The following ARL6IP6 variants were observed in gnomAD, a reference collection of about 807,000 sequenced individuals.
ARL6IP6 encodes the protein ARF like GTPase 6 interacting protein 6.
Under a neutral mutation model 21.5 loss-of-function variants are expected in ARL6IP6, and 22 were observed. The observed-to-expected ratio is 1.02, with a 90% CI of 0.73 to 1.46. The LOEUF is 1.46. ARL6IP6 is among the 40% of genes most tolerant of loss of function. The probability of loss-of-function intolerance (pLI) is 0.00; values close to 1 mark genes in which losing one functional copy is unlikely to be tolerated. For missense variants in ARL6IP6, 388 were observed against 299.8 expected (o/e 1.29, Z -2.17); for synonymous variants, 164 against 125.3 (o/e 1.31, Z -2.06).
At position 152,759,955 on chromosome 2, in the gene ARL6IP6, T is replaced by A; in HGVS notation, c.*115T>A. 1 of 811,598 alleles carries A rather than the reference T, an allele frequency of 1.2e-6. No individual in the cohort carries two copies. Among genetic ancestry groups the A allele is most frequent in the Admixed American group, 2.3e-5 (1 of 44,280 alleles). 50.3% of individuals were successfully genotyped at this position (811,598 alleles called of 1,614,324 possible). On this transcript the variant is annotated 3_prime_UTR_variant, in exon 4 of 4. Transcript: ENST00000326446. ...AGAAACCTGCTGTTCATTATGTAGT[T>A]CAGATATTTATCACAATCATCCTCA...
At chr2:152,724,279 A>G (rs569375169) in intron 2 of ARL6IP6, among the ~76,000 whole-genome samples, 2 of 152,212 alleles carry the variant, frequency 1.3e-5, no homozygotes, top group Non-Finnish European at 2.9e-5. Context: ...CACAAATTTA[A>G]GTTTAGAGAA....
At chr2:152,724,950 A>G (rs1367576366) in intron 2 of ARL6IP6, among the ~76,000 whole-genome samples, 2 of 151,856 alleles carry the variant, frequency 1.3e-5, no homozygotes, top group Non-Finnish European at 2.9e-5. Flanking sequence ...TTTTGCTTTT[A>G]CGGAATCTTA....
intron 3 of ARL6IP6, among the ~76,000 whole-genome samples, chr2:152,753,953 G>T (rs1351847559): frequency 6.6e-6 from 1 of 151,078 alleles, no homozygotes; most frequent in South Asian, 2.1e-4. Context: ...CACCCGCCTC[G>T]GCCTCCCAAA....
intron 3 of ARL6IP6, among the ~76,000 whole-genome samples, chr2:152,752,130 T>G (rs147452216): frequency 0.015 from 2,320 of 152,322 alleles, 34 homozygotes; most frequent in Middle Eastern, 0.034. Flanking sequence ...TATCTTTCTC[T>G]TCATGAAATT....
intron 1 of ARL6IP6, 48 bp downstream of exon 1, chr2:152,719,072 AG>A (rs1358333266): frequency 6.8e-7 from 1 of 1,467,444 alleles, no homozygotes; most frequent in African/African-American, 1.4e-5. Flanking sequence ...AAGTTGAGCC[AG>A]GGTGTGGCTC....
chr2:152,718,056 G>A (rs759071163), upstream of ARL6IP6: 10 of 994,938 alleles, frequency 1.0e-5, no homozygotes, highest in African/African-American at 1.6e-4. Context: ...GTTGTAGTAC[G>A]GGTGGGGAGA....
chr2:152,718,926 C>G lies in ARL6IP6; in HGVS notation c.302C>G (p.Pro101Arg). The change falls in exon 1 of 4, where the codon CCT (proline) becomes CGT (arginine). Residue 101 changes from proline to arginine, a missense_variant. Physicochemically the swap from Pro to Arg is moderately radical, Grantham distance 103. Coordinates refer to ENST00000326446, the MANE Select transcript of ARL6IP6 (RefSeq NM_152522.7). ...GCGGCCGCGGGCAGCAGAGCCCAGC[C>G]TCGGCGGTGGCCGGTCCAGGTCCTC... ...FPAAAGSRAQ[P>R]RRWPVQVLSI... 6.2e-7 allele frequency: 1 copy of G among 1,613,910 alleles called. No homozygotes were observed. The highest frequency in any genetic ancestry group is 8.5e-7 in the Non-Finnish European group (1 of 1,179,888).
At chr2:152,730,318 C>T (rs888091163) in intron 2 of ARL6IP6, among the ~76,000 whole-genome samples, 2 of 152,130 alleles carry the variant, frequency 1.3e-5, no homozygotes, top group African/African-American at 4.8e-5. Flanking sequence ...TACTTTGTGT[C>T]TTTCCTCACT....
chr2:152,762,146 T>C lies in ARL6IP6; in HGVS notation c.*2306T>C, dbSNP rs957564852. Among the ~76,000 whole-genome samples, 2 of 152,130 alleles carry C rather than the reference T, an allele frequency of 1.3e-5. No homozygotes were observed. Among genetic ancestry groups the C allele is most frequent in the Admixed American group, 1.3e-4 (2 of 15,264 alleles). On this transcript the variant is annotated 3_prime_UTR_variant, in exon 4 of 4. Transcript: ENST00000326446. ...TTTTGCCTGGCTACAATGAGTAGAATAGAGAAATGACTTCAGTGAAGTATG... is the reference window on the plus strand; with the variant it reads ...TTTTGCCTGGCTACAATGAGTAGAACAGAGAAATGACTTCAGTGAAGTATG...
At chr2:152,719,064 G>T in intron 1 of ARL6IP6, 40 bp downstream of exon 1, 7 of 1,476,532 alleles carry the variant, frequency 4.7e-6, no homozygotes, top group Non-Finnish European at 5.4e-6. Flanking sequence ...CCAGAGTAAA[G>T]TTGAGCCAGG....
chr2:152,727,357 A>G (rs148255446), intron 2 of ARL6IP6, among the ~76,000 whole-genome samples: 17 of 152,356 alleles, frequency 1.1e-4, no homozygotes, highest in African/African-American at 3.8e-4. Context: ...GAAAAGGGTA[A>G]AGTTAAATTT....
intron 3 of ARL6IP6, among the ~76,000 whole-genome samples, chr2:152,739,920 T>C (rs1355530442): frequency 6.6e-6 from 1 of 152,010 alleles, no homozygotes; most frequent in Non-Finnish European, 1.5e-5. Flanking sequence ...TATAAAACCA[T>C]CAGGTCTCAA....
intron 3 of ARL6IP6, among the ~76,000 whole-genome samples, chr2:152,742,624 T>C (rs1700868115): frequency 6.6e-6 from 1 of 151,234 alleles, no homozygotes; most frequent in South Asian, 2.1e-4. Flanking sequence ...GGCTTGGCCA[T>C]TGGCAGCAGA....
At chr2:152,730,385 A>G (rs1986743) in intron 2 of ARL6IP6, among the ~76,000 whole-genome samples, 100,614 of 152,024 alleles carry the variant, frequency 0.66, 33,514 homozygotes, top group East Asian at 0.72. Context: ...TTTCTTAACT[A>G]TCATCTTTGT....
In ARL6IP6 at chr2:152,718,721, C is replaced by G. The variant is rs1338061879; in HGVS notation, c.97C>G (p.Gln33Glu). The G allele has an allele frequency of 1.9e-6, 3 of 1,609,856 alleles. No homozygotes were observed. The highest frequency in any genetic ancestry group is 2.7e-5 in the African/African-American group (2 of 74,876). ...VARPSYSSFT[Q>E]GDSWGEGEVD... ...TCGGCCATCGTATTCCTCCTTTACT[C>G]AGGGGGACAGCTGGGGTGAAGGCGA... Residue 33 changes from glutamine (Q) to glutamate (E), a missense_variant, in exon 1 of 4, where the codon CAG becomes GAG. Transcript: ENST00000326446.
At chr2:152,727,454 T>C (rs775917896) in intron 2 of ARL6IP6, among the ~76,000 whole-genome samples, 32 of 152,192 alleles carry the variant, frequency 2.1e-4, no homozygotes, top group Non-Finnish European at 3.7e-4. Flanking sequence ...GTAACCTAAG[T>C]GTACAGTGTT....
At chr2:152,746,678 T>TA (rs1276972998) in intron 3 of ARL6IP6, among the ~76,000 whole-genome samples, 17 of 152,274 alleles carry the variant, frequency 1.1e-4, no homozygotes, top group Admixed American at 9.8e-4. Flanking sequence ...AAGCAACAGA[T>TA]ACGTCAGATG....
At chr2:152,734,414 G>A (rs1161473268) in intron 2 of ARL6IP6, among the ~76,000 whole-genome samples, 1 of 152,154 alleles carries the variant, frequency 6.6e-6, no homozygotes, top group Non-Finnish European at 1.5e-5. Context: ...TGCATGGCGT[G>A]GAATGAAAGG....
chr2:152,718,673 C>G lies in ARL6IP6; in HGVS notation c.49C>G (p.Pro17Ala). ...GWRSALRRRG[P>A]GTPGPVARPS... ...GCGGTCGGCTCTGCGGCGCCGCGGT[C>G]CCGGCACCCCGGGCCCTGTGGCTCG... Residue 17 changes from proline (P) to alanine (A), a missense_variant, in exon 1 of 4, where the codon CCC becomes GCC. Physicochemically the swap from Pro to Ala is conservative, Grantham distance 27 (BLOSUM62 -1). Coordinates refer to ENST00000326446, the MANE Select transcript of ARL6IP6 (RefSeq NM_152522.7). 3 of 1,575,422 alleles carry G rather than the reference C, an allele frequency of 1.9e-6. No individual in the cohort carries two copies. The highest frequency in any genetic ancestry group is 1.7e-6 in the Non-Finnish European group (2 of 1,160,220).
Sources: gnomAD v4.1 joint callset for allele counts (sites outside exome capture counted in the v4.1 genomes callset) on GRCh38, gnomAD v4.1.1 for gene constraint, MANE v1.5 for transcripts, NCBI Gene and HGNC (gene_info 2026-07-23, HGNC 2026-07-21) for gene names.